The following CTNNA2 variants were observed in gnomAD, a reference collection of about 807,000 sequenced individuals.
The protein encoded by CTNNA2 is catenin alpha 2, also known as catenin alpha-2.
In CTNNA2, 42 loss-of-function variants were observed where a neutral mutation model predicts 101.0. The ratio of observed to expected loss-of-function variants is 0.42; its 90% CI spans 0.32 to 0.54. CTNNA2 has a LOEUF of 0.54. Ranked by LOEUF, CTNNA2 falls within the 20% of genes least tolerant of loss-of-function variation. The pLI is 0.14. For missense variants in CTNNA2, 871 were observed against 1,223.1 expected (o/e 0.71, Z 4.29); for synonymous variants, 450 against 456.4 (o/e 0.99, Z 0.18).
At chr2:79,671,658 C>T (rs986391648) in intron 2 of CTNNA2, among the ~76,000 whole-genome samples, 1 of 152,212 alleles carries the variant, frequency 6.6e-6, no homozygotes, top group Non-Finnish European at 1.5e-5. Context: ...GAACCTCTTA[C>T]TGCTCGGCAA....
At chr2:79,452,990 GTAA>G (rs2104528480) in intron 4 of CTNNA2, among the ~76,000 whole-genome samples, 1 of 152,182 alleles carries the variant, frequency 6.6e-6, no homozygotes, top group East Asian at 1.9e-4. Context: ...AAATTAATTT[GTAA>G]TAATTAAAAA....
chr2:79,817,292 G>A lies in CTNNA2; in HGVS notation c.299-40721G>A, dbSNP rs2105363489. Among the ~76,000 whole-genome samples, 3 of 142,548 alleles carry A rather than the reference G, an allele frequency of 2.1e-5. 1 individual carries two copies. In the Middle Eastern group the frequency reaches 0.012, roughly 584 times the overall value. The allele number at this position is 142,548 out of a possible 152,430, so 93.5% of individuals were successfully genotyped here. A position where few individuals can be genotyped will look rare whatever the true frequency, so the allele number is the denominator to read the frequency against. ...TTTCTGATAACACAAACCAGAAAGT[G>A]CAGAATAATGTATTTCTCTCTCACT... On this transcript the variant is annotated intron_variant, in intron 3 of 18. Coordinates refer to ENST00000402739, the MANE Select transcript of CTNNA2 (RefSeq NM_001282597.3).
chr2:80,114,640 A>C (rs1252868218), intron 7 of CTNNA2, among the ~76,000 whole-genome samples: 1 of 152,230 alleles, frequency 6.6e-6, no homozygotes, highest in Non-Finnish European at 1.5e-5. Flanking sequence ...GGGCACTCAC[A>C]TAGAAGTTCA....
chr2:79,200,982 CTA>C (rs1674026761), intron 2 of CTNNA2, among the ~76,000 whole-genome samples: 1 of 152,134 alleles, frequency 6.6e-6, no homozygotes, highest in African/African-American at 2.4e-5. Context: ...AGCTATGAAA[CTA>C]CAATGTGGGG....
chr2:79,213,024 T>A (rs1275207593), intron 2 of CTNNA2, among the ~76,000 whole-genome samples: 3 of 152,036 alleles, frequency 2.0e-5, no homozygotes, highest in Non-Finnish European at 4.4e-5. Context: ...GACGACAGAA[T>A]AGAATGGGCC....
chr2:79,305,034 G>A (rs1412022714), intron 2 of CTNNA2, among the ~76,000 whole-genome samples: 1 of 152,108 alleles, frequency 6.6e-6, no homozygotes, highest in Non-Finnish European at 1.5e-5. Context: ...CTATAGTGGG[G>A]TTTTGTACAA....
chr2:80,592,974 G>A (rs924982147), intron 15 of CTNNA2, among the ~76,000 whole-genome samples: 2 of 152,012 alleles, frequency 1.3e-5, no homozygotes, highest in African/African-American at 2.4e-5. Flanking sequence ...ACCACTTCAC[G>A]GGAAAGACTC....
At chr2:80,645,116 A>G (rs1050600766) in intron 18 of CTNNA2, among the ~76,000 whole-genome samples, 15 of 152,194 alleles carry the variant, frequency 9.9e-5, no homozygotes, top group African/African-American at 3.6e-4. Context: ...TGTTGCCCAA[A>G]GCAAATCAAT....
chr2:79,826,313 C>T (rs1056155114), intron 3 of CTNNA2, among the ~76,000 whole-genome samples: 4 of 152,174 alleles, frequency 2.6e-5, no homozygotes, highest in South Asian at 2.1e-4. Flanking sequence ...TAACAAAATT[C>T]GATAACAGTC....
At chr2:80,306,413 T>C (rs1218846499) in intron 7 of CTNNA2, among the ~76,000 whole-genome samples, 2 of 135,260 alleles carry the variant, frequency 1.5e-5, no homozygotes, top group African/African-American at 5.6e-5. Context: ...TCTTTCTTTC[T>C]TTCTTTCTTT....
intron 7 of CTNNA2, among the ~76,000 whole-genome samples, chr2:80,071,625 A>G (rs1698347855): frequency 6.6e-6 from 1 of 152,206 alleles, no homozygotes; most frequent in African/African-American, 2.4e-5. Context: ...CTGATAAGTC[A>G]TTACAGGCCC....
chr2:79,641,106 A>C (rs1250301028), intron 1 of CTNNA2, among the ~76,000 whole-genome samples: 1 of 152,178 alleles, frequency 6.6e-6, no homozygotes, highest in East Asian at 1.9e-4. Flanking sequence ...AATAAGATCC[A>C]ATAGAGCAGG....
chr2:80,555,755 A>G lies in CTNNA2; in HGVS notation c.1603A>G (p.Thr535Ala). 6.3e-7 allele frequency: 1 copy of G among 1,585,626 alleles called. No individual in the cohort carries two copies. Among genetic ancestry groups the G allele is most frequent in the Non-Finnish European group, 8.6e-7 (1 of 1,166,132 alleles). ...VIALQEGDVD[T>A]LDRTAGAIRG... ...AGCCCTCCAAGAGGGCGATGTGGAC[A>G]CTCTGGACCGGACTGCAGGGGCCAT... Residue 535 changes from threonine (T) to alanine (A), a missense_variant, in exon 12 of 19, where the codon ACT (threonine) becomes GCT (alanine). Thr to Ala is a moderately conservative substitution (Grantham distance 58). Transcript: ENST00000402739.
At chr2:79,446,323 A>C (rs771853333) in intron 4 of CTNNA2, among the ~76,000 whole-genome samples, 1 of 152,076 alleles carries the variant, frequency 6.6e-6, no homozygotes, top group Non-Finnish European at 1.5e-5. Flanking sequence ...CTCTTCAAGC[A>C]TCTTTCCCAA....
chr2:79,939,183 A>T (rs1687983111), intron 7 of CTNNA2, among the ~76,000 whole-genome samples: 1 of 152,192 alleles, frequency 6.6e-6, no homozygotes, highest in African/African-American at 2.4e-5. Flanking sequence ...TTTTAAAAAA[A>T]ATATTCAAGG....
chr2:79,527,526 T>G (rs939896062), intron 1 of CTNNA2, among the ~76,000 whole-genome samples: 6 of 147,894 alleles, frequency 4.1e-5, no homozygotes, highest in Non-Finnish European at 8.9e-5. Context: ...GCACCTGTAA[T>G]CTCAGCTACT....
At chr2:80,313,623 C>T in intron 7 of CTNNA2, 8 of 1,610,322 alleles carry the variant, frequency 5.0e-6, no homozygotes, top group Non-Finnish European at 5.9e-6. Flanking sequence ...AATATGAAGA[C>T]TTCTGAGATG....
intron 1 of CTNNA2, among the ~76,000 whole-genome samples, chr2:79,561,350 A>C (rs1674769633): frequency 6.6e-6 from 1 of 151,816 alleles, no homozygotes; most frequent in Non-Finnish European, 1.5e-5. Flanking sequence ...GGGTGTTTCT[A>C]CTTTTTGTCA....
rs550257121 is a variant in CTNNA2 at position 80,612,415 on chromosome 2, T to C, written c.2430+4097T>C. Among the ~76,000 whole-genome samples, 5 of 151,760 alleles carry C rather than the reference T, an allele frequency of 3.3e-5. No homozygotes were observed. The South Asian group carries it at 1.0e-3, about 31-fold the overall frequency. On this transcript the variant is annotated intron_variant, in intron 17 of 18. Transcript: ENST00000402739. ...ACACTGTCATATATTCAAAGATGCA[T>C]ATGTGCATACAAACATACAAACACA...
Sources: gnomAD v4.1 joint callset for allele counts (sites outside exome capture counted in the v4.1 genomes callset) on GRCh38, gnomAD v4.1.1 for gene constraint, MANE v1.5 for transcripts, NCBI Gene and HGNC (gene_info 2026-07-23, HGNC 2026-07-21) for gene names.